Variants in SMURF1 observed in about 807,000 individuals in gnomAD.
SMURF1 encodes the protein SMAD specific E3 ubiquitin protein ligase 1.
SMURF1 carries 44 observed loss-of-function variants against 98.0 expected under a neutral mutation model. The ratio of observed to expected loss-of-function variants is 0.45; its 90% CI spans 0.35 to 0.58. The LOEUF (loss-of-function observed/expected upper bound fraction) is 0.58, where lower values mean the gene tolerates loss of function less well. SMURF1 is among the 20% of genes least tolerant of loss of function. SMURF1 has a pLI of 0.00. For synonymous variants in SMURF1, 396 were observed against 374.9 expected (o/e 1.06, Z -0.65); for missense variants, 687 against 938.4 (o/e 0.73, Z 3.50).
At chr7:99,105,966 T>G (rs978175534) in intron 1 of SMURF1, among the ~76,000 whole-genome samples, 4 of 152,220 alleles carry the variant, frequency 2.6e-5, no homozygotes, top group Admixed American at 1.3e-4. Flanking sequence ...GTCATCCCTT[T>G]GCCTATTTCC....
At chr7:99,050,950 G>T (rs769966161) in intron 8 of SMURF1, 3 of 1,551,008 alleles carry the variant, frequency 1.9e-6, no homozygotes, top group South Asian at 2.4e-5. Context: ...GAAGGAATTC[G>T]TATAGAAAAG....
chr7:99,033,883 CA>C (rs1285676973), intron 16 of SMURF1, among the ~76,000 whole-genome samples: 1 of 152,220 alleles, frequency 6.6e-6, no homozygotes, highest in Non-Finnish European at 1.5e-5. Flanking sequence ...GGCTAGCTGA[CA>C]GGGGTGCCAG....
chr7:99,057,599 T>A, intron 3 of SMURF1, 48 bp from the exon 4 acceptor site: 1 of 1,256,262 alleles, frequency 8.0e-7, no homozygotes, highest in Non-Finnish European at 1.0e-6. Context: ...TGGTTTTTTT[T>A]GTTTTGTTTT....
At chr7:99,091,148 T>A (rs977939848) in intron 1 of SMURF1, among the ~76,000 whole-genome samples, 1 of 152,198 alleles carries the variant, frequency 6.6e-6, no homozygotes, top group Admixed American at 6.5e-5. Context: ...TAGTAGTGAG[T>A]GCATATATAC....
At chr7:99,089,295 G>A (rs1213022028) in intron 1 of SMURF1, among the ~76,000 whole-genome samples, 1 of 151,824 alleles carries the variant, frequency 6.6e-6, no homozygotes, top group African/African-American at 2.4e-5. Flanking sequence ...CCTTAGCATG[G>A]ATCTAAACAC....
intron 1 of SMURF1, 47 bp downstream of exon 1, chr7:99,143,679 C>A (rs1028878899): frequency 1.4e-6 from 2 of 1,448,096 alleles, no homozygotes; most frequent in Admixed American, 4.6e-5. Context: ...AATTCCGGGG[C>A]GGGCGAGGGG....
At chr7:99,088,582 C>A (rs1328264323) in intron 1 of SMURF1, among the ~76,000 whole-genome samples, 1 of 151,798 alleles carries the variant, frequency 6.6e-6, no homozygotes, top group East Asian at 1.9e-4. Flanking sequence ...GGGGGTAAAT[C>A]TAAGACAATA....
chr7:99,081,527 A>G (rs1796577343), intron 1 of SMURF1: 1 of 152,254 alleles, frequency 6.6e-6, no homozygotes, highest in Admixed American at 6.5e-5. Context: ...CAGGAACTCT[A>G]TGTCCAACAT....
intron 1 of SMURF1, among the ~76,000 whole-genome samples, chr7:99,083,534 T>A (rs1284734020): frequency 6.6e-6 from 1 of 152,222 alleles, no homozygotes; most frequent in Non-Finnish European, 1.5e-5. Context: ...GATTCACAAA[T>A]AAATAACCTA....
intron 16 of SMURF1, among the ~76,000 whole-genome samples, chr7:99,033,366 A>G (rs1021538421): frequency 6.6e-6 from 1 of 152,220 alleles, no homozygotes; most frequent in African/African-American, 2.4e-5. Context: ...GCTGGAGTGC[A>G]GTGGGGCAGT....
chr7:99,046,829 T>C (rs1795598533), intron 10 of SMURF1, among the ~76,000 whole-genome samples: 1 of 151,614 alleles, frequency 6.6e-6, no homozygotes, highest in South Asian at 2.1e-4. Context: ...ACTTCAGCGC[T>C]TTTCTAGCCC....
At chr7:99,076,843 G>A (rs1796472798) in intron 1 of SMURF1, among the ~76,000 whole-genome samples, 1 of 151,918 alleles carries the variant, frequency 6.6e-6, no homozygotes, top group Non-Finnish European at 1.5e-5. Flanking sequence ...CCATGTGTAT[G>A]TGTGTGCACG....
Position 99,054,872 on chromosome 7 carries a change from G to A in SMURF1, c.404-7C>T. 6.2e-7 allele frequency: 1 copy of A among 1,613,502 alleles called. No individual in the cohort carries two copies. The highest frequency in any genetic ancestry group is 8.5e-7 in the Non-Finnish European group (1 of 1,179,708). On this transcript the variant is annotated splice_region_variant and splice_polypyrimidine_tract_variant and intron_variant, in intron 5 of 17. Coordinates refer to ENST00000361368, the MANE Select transcript of SMURF1 (RefSeq NM_181349.3). ...TCTCGTGTCTGTAAACTGACTAAAAGAGAAAAGAACGACTTGTGTTAAAAC... is the reference window on the plus strand; with the variant it reads ...TCTCGTGTCTGTAAACTGACTAAAAAAGAAAAGAACGACTTGTGTTAAAAC...
At chr7:99,107,395 T>G (rs981877160) in intron 1 of SMURF1, among the ~76,000 whole-genome samples, 4 of 152,212 alleles carry the variant, frequency 2.6e-5, no homozygotes, top group Admixed American at 6.5e-5. Context: ...CATAAATATA[T>G]ACACCTACTA....
chr7:99,060,563 C>T, intron 3 of SMURF1, 36 bp downstream of exon 3: 1 of 1,481,630 alleles, frequency 6.7e-7, no homozygotes, highest in Non-Finnish European at 9.4e-7. Context: ...TGCTTTCCTG[C>T]CGCTCCGCAT....
chr7:99,096,355 T>C (rs1169086590), intron 1 of SMURF1, among the ~76,000 whole-genome samples: 1 of 152,194 alleles, frequency 6.6e-6, no homozygotes, highest in Non-Finnish European at 1.5e-5. Flanking sequence ...AATGCGTCAA[T>C]ATTCTCCACA....
intron 5 of SMURF1, among the ~76,000 whole-genome samples, chr7:99,056,934 C>T (rs1198414706): frequency 8.2e-6 from 1 of 121,666 alleles, no homozygotes; most frequent in African/African-American, 3.3e-5. Flanking sequence ...ACCTGGGAGG[C>T]GGAGGTTGAG....
intron 1 of SMURF1, among the ~76,000 whole-genome samples, chr7:99,067,439 C>T (rs544503279): frequency 6.6e-6 from 1 of 152,176 alleles, no homozygotes; most frequent in East Asian, 1.9e-4. Context: ...CAGTTCCAAC[C>T]CTGAAGCACC....
At chr7:99,032,943 C>T in intron 17 of SMURF1, 94 bp downstream of exon 17, 1 of 1,348,784 alleles carries the variant, frequency 7.4e-7, no homozygotes, top group Admixed American at 2.0e-5. Context: ...TTGGCAGAGA[C>T]TCCATCTCAA....
Sources: gnomAD v4.1 joint callset for allele counts (sites outside exome capture counted in the v4.1 genomes callset) on GRCh38, gnomAD v4.1.1 for gene constraint, MANE v1.5 for transcripts, NCBI Gene and HGNC (gene_info 2026-07-23, HGNC 2026-07-21) for gene names.